Variants in ZP4 observed in about 807,000 individuals in gnomAD.
ZP4 encodes zona pellucida glycoprotein 4, also known as zona pellucida sperm-binding protein 4.
Under a neutral mutation model 62.3 loss-of-function variants are expected in ZP4, and 62 were observed. The ratio of observed to expected loss-of-function variants is 0.99; its 90% confidence interval spans 0.81 to 1.23. The LOEUF (loss-of-function observed/expected upper bound fraction) is 1.23. Ranked by LOEUF, ZP4 falls within the 50% of genes most tolerant of loss-of-function variation. The pLI is 0.00. For synonymous variants in ZP4, 289 were observed against 247.3 expected, an observed-to-expected ratio of 1.17 and a Z score of -1.58; for missense variants, 774 against 656.0, an observed-to-expected ratio of 1.18 and a Z score of -1.97.
chr1:237,883,109 A>AT (rs1664954589), intron 10 of ZP4, among the ~76,000 whole-genome samples: 1 of 152,206 alleles, frequency 6.6e-6, no homozygotes, highest in African/African-American at 2.4e-5. Flanking sequence ...CTTTGACAGT[A>AT]TCATGTTTAT....
intron 10 of ZP4, 93 bp from the exon 11 acceptor site, chr1:237,882,939 A>G: frequency 9.3e-7 from 1 of 1,078,072 alleles, no homozygotes; most frequent in South Asian, 1.5e-5. Context: ...GTGTCTCTAT[A>G]AAGCTTGGTT....
rs751354539 is a variant in ZP4 at position 237,890,488 on chromosome 1, T to C, written c.148A>G (p.Thr50Ala). The C allele has an allele frequency of 7.4e-6, 12 of 1,613,606 alleles. No individual in the cohort carries two copies. In the African/African-American group the frequency reaches 1.6e-4, roughly 22 times the overall value. The part of the protein sequence containing the change: ...QFAVNLNQEA[T>A]SPPVLIAWDN... ...CAAGCTATTAGTACAGGAGGAGACGTTGCCTCCTGGTTGAGGTTTACAGCA... is the reference window on the plus strand; with the variant it reads ...CAAGCTATTAGTACAGGAGGAGACGCTGCCTCCTGGTTGAGGTTTACAGCA... The change falls in exon 1 of 12, where the codon ACG becomes GCG. Residue 50 changes from threonine (T) to alanine (A), a missense_variant. Thr to Ala is a moderately conservative substitution (Grantham distance 58). Transcript: ENST00000366570.
chr1:237,883,675 G>A (rs1460385577), intron 10 of ZP4, among the ~76,000 whole-genome samples: 2 of 6,744 alleles, frequency 3.0e-4, no homozygotes, highest in African/African-American at 1.7e-3. Context: ...GGGGGAGGGC[G>A]GGGGAGGGCG....
intron 10 of ZP4, among the ~76,000 whole-genome samples, chr1:237,884,036 A>G (rs1343861498): frequency 8.3e-6 from 1 of 119,778 alleles, no homozygotes; most frequent in African/African-American, 4.4e-5. Context: ...ACACACAAAC[A>G]CACACAAACA....
chr1:237,885,145 C>T lies in ZP4; in HGVS notation c.1311+20G>A, dbSNP rs1193370030. On this transcript the variant is annotated intron_variant, in intron 9 of 11. Transcript: ENST00000366570. Reference sequence around the variant, plus strand: ...GGAGGTTCAGAGCCCTGGTGAGTGTCATGGAAGGGAACATCCTACCGGTCC... The same window carrying T: ...GGAGGTTCAGAGCCCTGGTGAGTGTTATGGAAGGGAACATCCTACCGGTCC... 6.2e-7 allele frequency: 1 copy of T among 1,610,324 alleles called. No homozygotes were observed. Among genetic ancestry groups the T allele is most frequent in the South Asian group, 1.1e-5 (1 of 90,474 alleles).
chr1:237,884,464 A>G (rs191906667), intron 10 of ZP4, among the ~76,000 whole-genome samples: 1 of 152,198 alleles, frequency 6.6e-6, no homozygotes, highest in Non-Finnish European at 1.5e-5. Context: ...CATGTTTCTC[A>G]ACTATTCAGG....
At position 237,882,760 on chromosome 1, in the gene ZP4, C is replaced by A; in HGVS notation, c.1477G>T (p.Asp493Tyr). ...TACTTACGGAGCTTTTCTGGAGGGT[C>A]CTTAGTGGCTTGGAGTAGAATCATG... is the stretch of plus-strand genomic sequence containing the variant. Reference protein sequence around the residue: ...GPMILLQATKDPPEKLRVPVD... With the variant: ...GPMILLQATKYPPEKLRVPVD... The change falls in exon 11 of 12, where the codon GAC becomes TAC. Residue 493 changes from aspartate (D) to tyrosine (Y), a missense_variant. Transcript: ENST00000366570. The A allele has an allele frequency of 6.2e-7, 1 of 1,614,100 alleles. No individual in the cohort carries two copies. Among genetic ancestry groups the A allele is most frequent in the Non-Finnish European group, 8.5e-7 (1 of 1,180,002 alleles).
Position 237,882,830 on chromosome 1 carries a change from G to A in ZP4, c.1407C>T (p.Asp469=). The A allele has an allele frequency of 6.2e-7, 1 of 1,613,580 alleles. No homozygotes were observed. Among genetic ancestry groups the A allele is most frequent in the Non-Finnish European group, 8.5e-7 (1 of 1,179,854 alleles). The change falls in exon 11 of 12, where the codon GAC becomes GAT. Residue 469 remains aspartate (D), a synonymous_variant. Transcript: ENST00000366570. ...CPDLSRRRNF[D]NSSQNTTASV... ...TAGCAGTAGTGTTCTGAGAACTGTT[G>A]TCAAAATTTCTTCTTCCTGTTAGAG...
rs755687327 is a variant in ZP4, at chr1:237,887,355, A to T, written c.741+19T>A. On this transcript the variant is annotated intron_variant, in intron 5 of 11. Transcript: ENST00000366570. ...TCCCACCCAACTTCCAGAGCCAGGA[A>T]CAAAGCCCAACTGCTCACCTGTCTT... 1.9e-6 allele frequency: 3 copies of T among 1,610,686 alleles called. No individual in the cohort carries two copies. In the African/African-American group the frequency reaches 4.0e-5, roughly 22 times the overall value.
intron 5 of ZP4, 30 bp downstream of exon 5, chr1:237,887,344 C>T: frequency 3.1e-6 from 5 of 1,606,238 alleles, no homozygotes; most frequent in Non-Finnish European, 4.3e-6. Flanking sequence ...ACCCAACTTC[C>T]AGAGCCAGGA....
At position 237,882,599 on chromosome 1, in the gene ZP4, T is replaced by A. The variant is rs199853205; in HGVS notation, c.1496-50A>T. 8.2e-4 allele frequency: 1,287 copies of A among 1,574,156 alleles called. 2 individuals are homozygous for A. The highest frequency in any genetic ancestry group is 9.4e-4 in the Non-Finnish European group (1,097 of 1,162,090). Reference sequence around the variant, plus strand: ...TTAATGTATGCTAAAACCAAGTGATTCTGTGTCCTGACAAAGACTAGCAGT... The same window carrying A: ...TTAATGTATGCTAAAACCAAGTGATACTGTGTCCTGACAAAGACTAGCAGT... On this transcript the variant is annotated intron_variant, in intron 11 of 11. Transcript: ENST00000366570.
chr1:237,883,967 AACACACACACACACAAACACACACAC>A (rs1161673506), intron 10 of ZP4, among the ~76,000 whole-genome samples: 6,687 of 84,614 alleles, frequency 0.079, 284 homozygotes, highest in East Asian at 0.21. Context: ...CACACACACA[AACACACACACACACAAACACACACAC>A]ACACACACAC....
In ZP4 at chr1:237,890,449, C is replaced by A; in HGVS notation, c.175+12G>T. On this transcript the variant is annotated intron_variant, in intron 1 of 11. Transcript: ENST00000366570. Reference sequence around the variant, plus strand: ...CATTGCTTGGCTAAGCAAGGCAAGTCATCAAACTTACCCCAAGCTATTAGT... The same window carrying A: ...CATTGCTTGGCTAAGCAAGGCAAGTAATCAAACTTACCCCAAGCTATTAGT... The A allele has an allele frequency of 1.2e-6, 2 of 1,602,118 alleles. No homozygotes were observed. The highest frequency in any genetic ancestry group is 1.1e-5 in the South Asian group (1 of 88,784).
rs1160931190 is a variant in ZP4 at position 237,888,410 on chromosome 1, T to C, written c.501A>G (p.Leu167=). The C allele has an allele frequency of 1.6e-5, 26 of 1,610,874 alleles. No homozygotes were observed. Among genetic ancestry groups the C allele is most frequent in the Admixed American group, 1.2e-4 (7 of 59,840 alleles). The change falls in exon 4 of 12, where the codon CTA becomes CTG. Residue 167 remains leucine, a synonymous_variant. Transcript: ENST00000366570. Reference sequence around the variant, plus strand: ...CCTCTTCAGAGCTATAACAACAGCCTAGCCCTTCACAGTCTCCTCGAGAGA... The same window carrying C: ...CCTCTTCAGAGCTATAACAACAGCCCAGCCCTTCACAGTCTCCTCGAGAGA... ...SPISRGDCEG[L]GCCYSSEEVN...
chr1:237,885,971 T>C (rs1665092809), intron 6 of ZP4, 85 bp from the exon 7 acceptor site: 12 of 1,567,546 alleles, frequency 7.7e-6, no homozygotes, highest in Non-Finnish European at 9.5e-6. Flanking sequence ...AAGGAAAGCA[T>C]TAAGTGCTAG....
At position 237,887,578 on chromosome 1, in the gene ZP4, G is replaced by A; in HGVS notation, c.554-17C>T. Reference sequence around the variant, plus strand: ...GCAAGGTCACTGAAACAGAGCAGCTGTGCTGAAGGCAGGTCATCTCTCCCA... The same window carrying A: ...GCAAGGTCACTGAAACAGAGCAGCTATGCTGAAGGCAGGTCATCTCTCCCA... On this transcript the variant is annotated splice_polypyrimidine_tract_variant and intron_variant, in intron 4 of 11. Transcript: ENST00000366570. 1 of 1,609,488 alleles carries A rather than the reference G, an allele frequency of 6.2e-7. No homozygotes were observed. The highest frequency in any genetic ancestry group is 8.5e-7 in the Non-Finnish European group (1 of 1,177,656).
intron 5 of ZP4, 137 bp from the exon 6 acceptor site, chr1:237,887,005 T>C (rs1200226549): frequency 2.7e-6 from 2 of 750,204 alleles, no homozygotes; most frequent in Non-Finnish European, 4.3e-6. Flanking sequence ...TAAGAACACA[T>C]AGCAGTGACA....
intron 3 of ZP4, among the ~76,000 whole-genome samples, chr1:237,888,720 C>T (rs1665168101): frequency 6.6e-6 from 1 of 152,024 alleles, no homozygotes; most frequent in African/African-American, 2.4e-5. Flanking sequence ...GTAAGAGTGC[C>T]CTGCTATTAG....
chr1:237,885,054 A>G (rs1270770940), intron 9 of ZP4, 111 bp downstream of exon 9: 1 of 1,466,066 alleles, frequency 6.8e-7, no homozygotes, highest in African/African-American at 1.4e-5. Context: ...AGTCAGTACC[A>G]ATAGCCAGCA....
Sources: allele counts gnomAD v4.1 joint callset (sites outside exome capture counted in the v4.1 genomes callset), GRCh38; gene constraint gnomAD v4.1.1; transcripts MANE v1.5; gene names NCBI Gene and HGNC (gene_info 2026-07-23, HGNC 2026-07-21).